Variants in NDRG4 observed in about 807,000 individuals in gnomAD.
NDRG4 encodes protein NDRG4.
In NDRG4, 38 loss-of-function variants were observed where a neutral mutation model predicts 55.8. That is an observed-to-expected ratio of 0.68 (90% CI 0.53 to 0.89). The LOEUF is 0.89. Among genes scored for constraint, NDRG4 ranks in the 40% least tolerant of loss-of-function variants. NDRG4 has a pLI of 0.00. For synonymous variants in NDRG4, 190 were observed against 182.7 expected (o/e 1.04, Z -0.32); for missense variants, 455 against 468.6 (o/e 0.97, Z 0.27).
rs1273959563 is a variant in NDRG4 at position 58,486,548 on chromosome 16, C to A, written c.-23-1208C>A. On this transcript the variant is annotated intron_variant, in intron 1 of 15. Transcript: ENST00000258187. ...ATGTATGTACTGGCCAATTTAAATT[C>A]TTTTATGAATTTCTAGATTATGTCC... is the stretch of plus-strand genomic sequence containing the variant. Among the ~76,000 whole-genome samples, 6 of 151,802 alleles carry A rather than the reference C, an allele frequency of 4.0e-5. No homozygotes were observed. In the East Asian group the frequency reaches 7.8e-4, roughly 20 times the overall value.
chr16:58,475,779 A>G lies in NDRG4; in HGVS notation c.-23-11977A>G, dbSNP rs1453838566. On this transcript the variant is annotated intron_variant, in intron 1 of 15. Transcript: ENST00000258187. ...GTATTCCAGCCAGGAGGCAGGAGGAAGAGTCAAAGAATGGCATGTCTCCCC... is the reference window on the plus strand; with the variant it reads ...GTATTCCAGCCAGGAGGCAGGAGGAGGAGTCAAAGAATGGCATGTCTCCCC... 6 of 396,784 alleles carry G rather than the reference A, an allele frequency of 1.5e-5. No individual in the cohort carries two copies. The Admixed American group carries it at 1.6e-4, about 11-fold the overall frequency. 24.6% of individuals were successfully genotyped at this position (396,784 alleles called of 1,614,324 possible).
chr16:58,492,520 G>A (rs1340609019), intron 2 of NDRG4, among the ~76,000 whole-genome samples: 14 of 138,784 alleles, frequency 1.0e-4, no homozygotes, highest in African/African-American at 3.5e-4. Context: ...GTGTGTGTGT[G>A]TGTGTGTGTG....
At chr16:58,465,308 C>T (rs1242796279) in intron 1 of NDRG4, 6 of 437,368 alleles carry the variant, frequency 1.4e-5, no homozygotes, top group Non-Finnish European at 2.3e-5. Context: ...GATGAGGGAG[C>T]AGAGCCCCGG....
chr16:58,505,305 C>T (rs1009195722), intron 5 of NDRG4, among the ~76,000 whole-genome samples: 10 of 151,268 alleles, frequency 6.6e-5, no homozygotes, highest in Admixed American at 1.3e-4. Context: ...GCTGAGATCG[C>T]GCCACTGCAC....
chr16:58,471,213 G>A (rs895122585), intron 1 of NDRG4, among the ~76,000 whole-genome samples: 33 of 22,756 alleles, frequency 1.5e-3, no homozygotes, highest in Non-Finnish European at 2.3e-3. Flanking sequence ...TTTTTTTTTT[G>A]GAGACAGGGT....
upstream of NDRG4, among the ~76,000 whole-genome samples, chr16:58,497,587 G>A (rs554748574): frequency 9.9e-5 from 15 of 152,166 alleles, no homozygotes; most frequent in Non-Finnish European, 1.6e-4. Context: ...GCAGCTGCCT[G>A]TGCAGTAGGC....
Position 58,512,108 on chromosome 16 carries a change from C to G in NDRG4, c.*532C>G. 2.2e-6 allele frequency: 1 copy of G among 456,730 alleles called. No homozygotes were observed. Among genetic ancestry groups the G allele is most frequent in the Non-Finnish European group, 4.4e-6 (1 of 226,968 alleles). The allele number at this position is 456,730 out of a possible 1,614,324, so 28.3% of individuals were successfully genotyped here. A position where few individuals can be genotyped will look rare whatever the true frequency, so the allele number is the denominator to read the frequency against. ...GGCGCTCGGACCAGGCAGCCACTTT[C>G]CTGGTGCTCTCTGGGCCCAGCTGGT... is the stretch of plus-strand genomic sequence containing the variant. On this transcript the variant is annotated 3_prime_UTR_variant, in exon 15 of 15. Coordinates refer to ENST00000570248, the MANE Select transcript of NDRG4 (RefSeq NM_001242835.2).
At chr16:58,491,484 G>C (rs2035784977) in intron 2 of NDRG4, among the ~76,000 whole-genome samples, 1 of 149,178 alleles carries the variant, frequency 6.7e-6, no homozygotes, top group Non-Finnish European at 1.5e-5. Flanking sequence ...ATTTAAGACA[G>C]AGTTTTGCTT....
intron 1 of NDRG4, chr16:58,501,373 C>T: frequency 3.3e-6 from 1 of 300,030 alleles, no homozygotes; most frequent in East Asian, 5.3e-5. Context: ...ACGGACCGAC[C>T]GAGAGGAGCC....
chr16:58,494,241 A>C (rs1224893713), intron 2 of NDRG4, among the ~76,000 whole-genome samples: 1 of 152,058 alleles, frequency 6.6e-6, no homozygotes, highest in Non-Finnish European at 1.5e-5. Flanking sequence ...AGTAAGCTCC[A>C]GTGATCTGAG....
intron 1 of NDRG4, chr16:58,502,138 T>C (rs896912806): frequency 1.7e-5 from 7 of 417,394 alleles, no homozygotes; most frequent in Non-Finnish European, 3.0e-5. Context: ...TACTCTGGGA[T>C]TGACCTTGGG....
At chr16:58,479,037 T>C (rs1835027628) in intron 1 of NDRG4, among the ~76,000 whole-genome samples, 1 of 152,104 alleles carries the variant, frequency 6.6e-6, no homozygotes, top group Non-Finnish European at 1.5e-5. Flanking sequence ...GAGATTATTA[T>C]TATTATTTTG....
At chr16:58,509,240 C>T (rs778229185) in intron 12 of NDRG4, 51 bp downstream of exon 12, 10 of 1,613,812 alleles carry the variant, frequency 6.2e-6, no homozygotes, top group Non-Finnish European at 8.5e-6. Context: ...GGGGAAGCCT[C>T]TACCCTACCT....
At chr16:58,505,116 A>G (rs192123221) in intron 5 of NDRG4, among the ~76,000 whole-genome samples, 3,305 of 152,268 alleles carry the variant, frequency 0.022, 70 homozygotes, top group Admixed American at 0.033. Flanking sequence ...TTGGGAGGCC[A>G]AGGTGGGCAG....
At position 58,507,590 on chromosome 16, in the gene NDRG4, G is replaced by A. The variant is rs115955595; in HGVS notation, c.621-218G>A. The A allele has an allele frequency of 4.8e-3, 2,659 of 556,946 alleles. 28 individuals carry two copies. The highest frequency in any genetic ancestry group is 0.025 in the African/African-American group (1,321 of 53,300). The allele number at this position is 556,946 out of a possible 1,614,324, so 34.5% of individuals were successfully genotyped here. ...CAGAAACTCCCACAGCACAGGTGGC[G>A]GTGCGCATGGCTCTGAGGGGGATAG... On this transcript the variant is annotated intron_variant, in intron 8 of 14. Transcript: ENST00000570248.
At chr16:58,484,659 C>G (rs1008476213) in intron 1 of NDRG4, among the ~76,000 whole-genome samples, 1 of 152,150 alleles carries the variant, frequency 6.6e-6, no homozygotes, top group African/African-American at 2.4e-5. Context: ...CTTGTCTGCA[C>G]CAGGAGCTGG....
intron 1 of NDRG4, among the ~76,000 whole-genome samples, chr16:58,503,264 G>A (rs1350600000): frequency 6.6e-6 from 1 of 152,186 alleles, no homozygotes; most frequent in African/African-American, 2.4e-5. Flanking sequence ...ACAGAAGGGC[G>A]TTCAAGGTGG....
At chr16:58,498,619 G>A (rs1031230915), upstream of NDRG4, among the ~76,000 whole-genome samples, 6 of 152,124 alleles carry the variant, frequency 3.9e-5, no homozygotes, top group Admixed American at 6.5e-5. Flanking sequence ...AGACCCACCC[G>A]GCCCTTGTTC....
chr16:58,465,923 G>T (rs2031568002), intron 1 of NDRG4, among the ~76,000 whole-genome samples: 1 of 152,172 alleles, frequency 6.6e-6, no homozygotes, highest in South Asian at 2.1e-4. Flanking sequence ...CTCACTTGAG[G>T]CAGGCCCAGC....
Sources: allele counts gnomAD v4.1 joint callset (sites outside exome capture counted in the v4.1 genomes callset), GRCh38; gene constraint gnomAD v4.1.1; transcripts MANE v1.5; gene names NCBI Gene and HGNC (gene_info 2026-07-23, HGNC 2026-07-21).